DPYD: variants seen among roughly 807,000 people sequenced by gnomAD.
The protein encoded by DPYD is dihydropyrimidine dehydrogenase [NADP(+)].
A neutral mutation model predicts 116.2 loss-of-function variants in DPYD; 109 were observed. The ratio of observed to expected loss-of-function variants is 0.94; its 90% CI spans 0.80 to 1.10. The LOEUF is 1.10. Among genes scored for constraint, DPYD ranks in the 50% least tolerant of loss-of-function variants. The pLI, the probability that DPYD is intolerant of heterozygous loss-of-function variation, is 0.00. For missense variants in DPYD, 1,302 were observed against 1,254.5 expected (o/e 1.04, Z -0.57); for synonymous variants, 440 against 432.0 (o/e 1.02, Z -0.23).
chr1:97,867,753 C>G (rs544717204), intron 2 of DPYD, among the ~76,000 whole-genome samples: 1 of 151,934 alleles, frequency 6.6e-6, no homozygotes, highest in East Asian at 1.9e-4. Flanking sequence ...ATCACAAGCT[C>G]ACAACGAACA....
chr1:97,354,780 A>C (rs1014630841), intron 16 of DPYD, among the ~76,000 whole-genome samples: 3 of 152,194 alleles, frequency 2.0e-5, no homozygotes, highest in African/African-American at 4.8e-5. Flanking sequence ...GTCAAAGGTG[A>C]ATTCATTCAA....
At chr1:97,335,440 G>T (rs1385140621) in intron 16 of DPYD, among the ~76,000 whole-genome samples, 1 of 151,950 alleles carries the variant, frequency 6.6e-6, no homozygotes, top group African/African-American at 2.4e-5. Flanking sequence ...ATTCAGAAAT[G>T]ATTGCAGGAG....
chr1:97,302,363 T>G (rs1267858473), intron 18 of DPYD, among the ~76,000 whole-genome samples: 1 of 152,028 alleles, frequency 6.6e-6, no homozygotes, highest in Non-Finnish European at 1.5e-5. Flanking sequence ...GGTATATAAT[T>G]CAACTTTTTA....
At chr1:97,216,200 C>G (rs1384775131) in intron 19 of DPYD, among the ~76,000 whole-genome samples, 2 of 152,086 alleles carry the variant, frequency 1.3e-5, no homozygotes, top group African/African-American at 2.4e-5. Context: ...GTCTCAAAAG[C>G]CTTTTAGAAA....
chr1:97,459,057 T>C (rs1229716937), intron 13 of DPYD, among the ~76,000 whole-genome samples: 1 of 151,782 alleles, frequency 6.6e-6, no homozygotes. Flanking sequence ...AGATGTAAAA[T>C]ATAAAAAAAT....
intron 7 of DPYD, among the ~76,000 whole-genome samples, chr1:97,687,201 G>GTAGA (rs1660784161): frequency 6.6e-6 from 1 of 152,114 alleles, no homozygotes; most frequent in Non-Finnish European, 1.5e-5. Flanking sequence ...AACCCAGGAG[G>GTAGA]TAGAGGTTGA....
intron 14 of DPYD, among the ~76,000 whole-genome samples, chr1:97,446,148 T>C (rs899644947): frequency 6.6e-6 from 1 of 152,188 alleles, no homozygotes; most frequent in African/African-American, 2.4e-5. Flanking sequence ...AAATCTGAAG[T>C]ACTTATACTC....
chr1:97,235,511 C>T (rs1661857765), intron 18 of DPYD, among the ~76,000 whole-genome samples: 1 of 152,020 alleles, frequency 6.6e-6, no homozygotes, highest in African/African-American at 2.4e-5. Flanking sequence ...GTAATCCCAG[C>T]TACTTGGGAG....
At chr1:97,118,622 A>T (rs940854244) in intron 20 of DPYD, among the ~76,000 whole-genome samples, 2 of 152,172 alleles carry the variant, frequency 1.3e-5, no homozygotes, top group African/African-American at 4.8e-5. Context: ...ACGTGGAATC[A>T]ATACTCAATA....
intron 4 of DPYD, among the ~76,000 whole-genome samples, chr1:97,722,989 T>C (rs928987647): frequency 6.6e-6 from 1 of 151,388 alleles, no homozygotes; most frequent in South Asian, 2.1e-4. Context: ...TAAAAGACTT[T>C]TAAAAATAAC....
At chr1:97,211,428 A>G (rs1660023274) in intron 19 of DPYD, among the ~76,000 whole-genome samples, 1 of 152,166 alleles carries the variant, frequency 6.6e-6, no homozygotes, top group African/African-American at 2.4e-5. Context: ...GTTTCTTACT[A>G]ATGTGCCTGG....
At chr1:97,272,798 G>C (rs507170) in intron 18 of DPYD, among the ~76,000 whole-genome samples, 113,672 of 151,972 alleles carry the variant, frequency 0.75, 43,294 homozygotes, top group African/African-American at 0.89. Flanking sequence ...ATGAATGACT[G>C]CTTTAGAATA....
chr1:97,885,527 C>G (rs577976410), intron 1 of DPYD, among the ~76,000 whole-genome samples: 16 of 152,066 alleles, frequency 1.1e-4, no homozygotes, highest in African/African-American at 3.1e-4. Context: ...AGAATAAAAT[C>G]AGAAAAAGTC....
intron 19 of DPYD, among the ~76,000 whole-genome samples, chr1:97,204,447 C>G (rs975227191): frequency 6.6e-6 from 1 of 152,044 alleles, no homozygotes; most frequent in Non-Finnish European, 1.5e-5. Context: ...TTTATTTATG[C>G]CTTCTCACTA....
At chr1:97,677,838 A>G (rs1660227246) in intron 8 of DPYD, among the ~76,000 whole-genome samples, 1 of 152,218 alleles carries the variant, frequency 6.6e-6, no homozygotes, top group African/African-American at 2.4e-5. Context: ...TAGACAAAGA[A>G]GCATTAATGA....
At chr1:97,690,910 ATTCATT>A (rs1660979163) in intron 7 of DPYD, among the ~76,000 whole-genome samples, 1 of 152,044 alleles carries the variant, frequency 6.6e-6, no homozygotes, top group African/African-American at 2.4e-5. Flanking sequence ...TCTTTTATTG[ATTCATT>A]TTAAGTTTTA....
chr1:97,475,577 G>A (rs1677912963), intron 13 of DPYD, among the ~76,000 whole-genome samples: 1 of 152,186 alleles, frequency 6.6e-6, no homozygotes, highest in South Asian at 2.1e-4. Context: ...CCCTGGGGTA[G>A]CCAAATTTTA....
At chr1:97,251,607 T>A (rs1194981723) in intron 18 of DPYD, among the ~76,000 whole-genome samples, 1 of 151,980 alleles carries the variant, frequency 6.6e-6, no homozygotes, top group African/African-American at 2.4e-5. Context: ...AGAGCAATGC[T>A]TTTAAAGAAG....
Position 97,549,668 on chromosome 1 carries a change from A to T in DPYD, c.1416T>A (p.Ser472Arg). ...CACCACCTGCAAATACCCATGCTTCACTAGTTTGCATAGTTTCTGGATCTA... is the reference window on the plus strand; with the variant it reads ...CACCACCTGCAAATACCCATGCTTCTCTAGTTTGCATAGTTTCTGGATCTA... ...PEVDPETMQT[S>R]EAWVFAGGDV... Residue 472 changes from serine (S) to arginine (R), a missense_variant, in exon 12 of 23, where the codon AGT (serine) becomes AGA (arginine). Transcript: ENST00000370192. 1.9e-6 allele frequency: 3 copies of T among 1,613,908 alleles called. No individual in the cohort carries two copies. Among genetic ancestry groups the T allele is most frequent in the Non-Finnish European group, 2.5e-6 (3 of 1,179,880 alleles).
Sources: allele counts gnomAD v4.1 joint callset (sites outside exome capture counted in the v4.1 genomes callset), GRCh38; gene constraint gnomAD v4.1.1; transcripts MANE v1.5; gene names NCBI Gene and HGNC (gene_info 2026-07-23, HGNC 2026-07-21).